The following CMTR2 variants were observed in gnomAD, a reference collection of about 807,000 sequenced individuals.
CMTR2 encodes the protein cap-specific mRNA (nucleoside-2'-O-)-methyltransferase 2.
A neutral mutation model predicts 49.8 loss-of-function variants in CMTR2; 40 were observed. The observed-to-expected ratio is 0.80, with a 90% CI of 0.62 to 1.04. CMTR2 has a LOEUF of 1.04. CMTR2 is among the 50% of genes least tolerant of loss of function. CMTR2 has a pLI of 0.00. For missense variants in CMTR2, 907 were observed against 897.2 expected, an observed-to-expected ratio of 1.01 and a Z score of -0.14; for synonymous variants, 326 against 315.8, an observed-to-expected ratio of 1.03 and a Z score of -0.34.
rs2041619757 is a variant in CMTR2 at position 71,281,982 on chromosome 16, C to T, written c.*1626G>A. 1 of 149,312 alleles carries T rather than the reference C, an allele frequency of 6.7e-6. No individual in the cohort carries two copies. The highest frequency in any genetic ancestry group is 6.6e-5 in the Admixed American group (1 of 15,038). 9.2% of individuals were successfully genotyped at this position (149,312 alleles called of 1,614,324 possible). A position where few individuals can be genotyped will look rare whatever the true frequency, so the allele number is the denominator to read the frequency against. On this transcript the variant is annotated 3_prime_UTR_variant, in exon 3 of 3. Coordinates refer to ENST00000434935, the MANE Select transcript of CMTR2 (RefSeq NM_018348.6). ...TGTTTTTTTTTTTCCTCCTGGTAAT[C>T]AACCTTCTGTCAGACTTCCATCGTC...
chr16:71,284,006 T>C lies in CMTR2; in HGVS notation c.1915A>G (p.Thr639Ala), dbSNP rs1258252841. Residue 639 changes from threonine to alanine, a missense_variant, in exon 3 of 3, where the codon ACA (threonine) becomes GCA (alanine). Physicochemically the swap from Thr to Ala is moderately conservative, Grantham distance 58. Coordinates refer to ENST00000434935, the MANE Select transcript of CMTR2 (RefSeq NM_018348.6). ...CLLHSLRELH[T>A]GDVMILPVLS... ...ACAGGCAAAATCATAACATCTCCTG[T>C]ATGAAGCTCCCGCAATGAATGTAGA... The C allele has an allele frequency of 1.2e-6, 2 of 1,613,952 alleles. No homozygotes were observed. The highest frequency in any genetic ancestry group is 1.7e-6 in the Non-Finnish European group (2 of 1,179,848).
intron 2 of CMTR2, 53 bp downstream of exon 2, chr16:71,288,825 C>T (rs145637162): frequency 3.9e-5 from 6 of 152,276 alleles, no homozygotes; most frequent in Non-Finnish European, 8.8e-5. Flanking sequence ...TAGCCCCCGC[C>T]CAAATTAGTG....
rs375537119 is a variant in CMTR2 at position 71,283,724 on chromosome 16, C to G, written c.2197G>C (p.Gly733Arg). The G allele has an allele frequency of 1.1e-5, 17 of 1,613,844 alleles. No individual in the cohort carries two copies. The highest frequency in any genetic ancestry group is 1.3e-5 in the African/African-American group (1 of 74,908). ...QFVPMEVLLK[G>R]ALLDFLWDLN... Reference sequence around the variant, plus strand: ...TCCCACAAAAAATCAAGCAGGGCCCCCTTAAGGAGTACCTCCATTGGCACA... The same window carrying G: ...TCCCACAAAAAATCAAGCAGGGCCCGCTTAAGGAGTACCTCCATTGGCACA... Residue 733 changes from glycine to arginine, a missense_variant, in exon 3 of 3, where the codon GGG (glycine) becomes CGG (arginine). Transcript: ENST00000434935.
At position 71,284,744 on chromosome 16, in the gene CMTR2, G is replaced by C. The variant is rs2041684898; in HGVS notation, c.1177C>G (p.Leu393Val). The C allele has an allele frequency of 6.2e-7, 1 of 1,613,476 alleles. No individual in the cohort carries two copies. The highest frequency in any genetic ancestry group is 1.1e-5 in the South Asian group (1 of 91,060). Reference sequence around the variant, plus strand: ...ATAGCACAATCCCTTAAATTATTCAGCTTTTCTTGTTCCGCCTTTCCCATG... The same window carrying C: ...ATAGCACAATCCCTTAAATTATTCACCTTTTCTTGTTCCGCCTTTCCCATG... ...ECMGKAEQEK[L>V]NNLRDCAIQY... Residue 393 changes from leucine to valine, a missense_variant, in exon 3 of 3, where the codon CTG becomes GTG. Leu to Val is a conservative substitution (Grantham distance 32). Transcript: ENST00000434935.
rs779536396 is a variant in CMTR2, at chr16:71,283,769, G to T, written c.2152C>A (p.Pro718Thr). 4.3e-6 allele frequency: 7 copies of T among 1,613,934 alleles called. No individual in the cohort carries two copies. Among genetic ancestry groups the T allele is most frequent in the Non-Finnish European group, 5.9e-6 (7 of 1,179,894 alleles). Residue 718 changes from proline to threonine, a missense_variant, in exon 3 of 3, where the codon CCC (proline) becomes ACC (threonine). By Grantham distance (38) the Pro-to-Thr change is conservative. Transcript: ENST00000434935. ...LLSTLLNSDS[P>T]QQVLQFVPME... ...GGCACAAACTGTAAAACCTGCTGGG[G>T]TGAGTCAGAGTTGAGCAAAGTGCTC...
At chr16:71,286,271 A>C (rs1460653906) in intron 2 of CMTR2, among the ~76,000 whole-genome samples, 1 of 152,116 alleles carries the variant, frequency 6.6e-6, no homozygotes, top group Non-Finnish European at 1.5e-5. Context: ...CATATAACAA[A>C]GCATAATCAT....
Position 71,285,660 on chromosome 16 carries a change from C to G in CMTR2, c.261G>C (p.Glu87Asp). ...CCGCTTTATTAGTGAAAGCAGTGTG[C>G]TCATGCCACTCATCCAGTTTCTTAT... ...LSDKKLDEWH[E>D]HTAFTNKAGK... Residue 87 changes from glutamate to aspartate, a missense_variant, in exon 3 of 3, where the codon GAG becomes GAC. Physicochemically the swap from Glu to Asp is conservative, Grantham distance 45. Coordinates refer to ENST00000434935, the MANE Select transcript of CMTR2 (RefSeq NM_018348.6). The G allele has an allele frequency of 6.2e-7, 1 of 1,613,658 alleles. No homozygotes were observed. The highest frequency in any genetic ancestry group is 8.5e-7 in the Non-Finnish European group (1 of 1,179,832).
chr16:71,285,695 G>A lies in CMTR2; in HGVS notation c.226C>T (p.Leu76=). The A allele has an allele frequency of 3.7e-6, 6 of 1,613,272 alleles. No homozygotes were observed. The highest frequency in any genetic ancestry group is 5.1e-6 in the Non-Finnish European group (6 of 1,179,758). The change falls in exon 3 of 3, where the codon CTA becomes TTA. Residue 76 remains leucine (L), a synonymous_variant. Coordinates refer to ENST00000434935, the MANE Select transcript of CMTR2 (RefSeq NM_018348.6). ...TCATCCAGTTTCTTATCACTCAGTAGGTTTTTTACTTCATTTAGGGAGTTC... is the reference window on the plus strand; with the variant it reads ...TCATCCAGTTTCTTATCACTCAGTAAGTTTTTTACTTCATTTAGGGAGTTC... ...LKNSLNEVKN[L]LSDKKLDEWH... is the part of the protein sequence containing the mutation.
rs755800780 is a variant in CMTR2, at chr16:71,285,012, A to T, written c.909T>A (p.Pro303=). 6.8e-6 allele frequency: 11 copies of T among 1,613,964 alleles called. No homozygotes were observed. The Admixed American group carries it at 1.8e-4, about 27-fold the overall frequency. The change falls in exon 3 of 3, where the codon CCT becomes CCA. Residue 303 remains proline, a synonymous_variant. Coordinates refer to ENST00000434935, the MANE Select transcript of CMTR2 (RefSeq NM_018348.6). ...CGGAGTTTCCTGCCTTGCTAGTAGC[A>T]GGTTTGAAAACATGGACTTGGTCAA... ...CCFDQVHVFK[P]ATSKAGNSEV... is the part of the protein sequence containing the mutation.
In CMTR2 at chr16:71,285,627, G is replaced by T. The variant is rs954107128; in HGVS notation, c.294C>A (p.Ile98=). The T allele has an allele frequency of 1.9e-6, 3 of 1,613,916 alleles. No individual in the cohort carries two copies. The highest frequency in any genetic ancestry group is 2.5e-6 in the Non-Finnish European group (3 of 1,179,940). Residue 98 remains isoleucine, a synonymous_variant, in exon 3 of 3, where the codon ATC becomes ATA. Transcript: ENST00000434935. ...HTAFTNKAGK[I]ISHVRKSVNA... ...TCACAGATTTTCTAACATGAGAAAT[G>T]ATTTTCCCCGCTTTATTAGTGAAAG...
At position 71,288,771 on chromosome 16, in the gene CMTR2, C is replaced by G. The variant is rs572079125; in HGVS notation, c.-20+107G>C. 1.1e-4 allele frequency: 17 copies of G among 152,124 alleles called. No homozygotes were observed. In the East Asian group the frequency reaches 2.3e-3, roughly 21 times the overall value. The allele number at this position is 152,124 out of a possible 1,614,324, so 9.4% of individuals were successfully genotyped here. A position where few individuals can be genotyped will look rare whatever the true frequency, so the allele number is the denominator to read the frequency against. ...GACATCATAATTCTGCTAAGTGGGT[C>G]GCTATTACCATTCTCATATTGCAAA... On this transcript the variant is annotated intron_variant, in intron 2 of 2. Coordinates refer to ENST00000434935, the MANE Select transcript of CMTR2 (RefSeq NM_018348.6).
upstream of CMTR2, chr16:71,289,646 A>AGGGGAGGTGGAGGGGGAG (rs2041804207): frequency 5.3e-5 from 1 of 18,882 alleles, no homozygotes; most frequent in African/African-American, 2.3e-4. Context: ...AGGGAGGCGA[A>AGGGGAGGTGGAGGGGGAG]GGGGAGGGGG....
intron 2 of CMTR2, chr16:71,288,472 C>A (rs569321508): frequency 6.6e-6 from 1 of 152,278 alleles, no homozygotes; most frequent in East Asian, 1.9e-4. Flanking sequence ...GTTTTGTTTA[C>A]ACATAGACCA....
Position 71,281,757 on chromosome 16 carries a change from T to A in CMTR2, c.*1851A>T, listed in dbSNP as rs11645087. 1 of 151,818 alleles carries A rather than the reference T, an allele frequency of 6.6e-6. No individual in the cohort carries two copies. The highest frequency in any genetic ancestry group is 6.6e-5 in the Admixed American group (1 of 15,240). 9.4% of individuals were successfully genotyped at this position (151,818 alleles called of 1,614,324 possible). On this transcript the variant is annotated 3_prime_UTR_variant, in exon 3 of 3. Coordinates refer to ENST00000434935, the MANE Select transcript of CMTR2 (RefSeq NM_018348.6). ...CAGTGTTATATATTCCAGTACAGAT[T>A]AGTGTCAACAAAACACTAAGCATTC...
rs545380182 is a variant in CMTR2, at chr16:71,282,212, T to G, written c.*1396A>C. 1 of 152,224 alleles carries G rather than the reference T, an allele frequency of 6.6e-6. No individual in the cohort carries two copies. The highest frequency in any genetic ancestry group is 1.9e-4 in the East Asian group (1 of 5,186). The allele number at this position is 152,224 out of a possible 1,614,324, so 9.4% of individuals were successfully genotyped here. A position where few individuals can be genotyped will look rare whatever the true frequency, so the allele number is the denominator to read the frequency against. ...AGAGAAAATGAAAGAACATTAACTA[T>G]CATTCAAAACTCCCTTTAAAAATGT... On this transcript the variant is annotated 3_prime_UTR_variant, in exon 3 of 3. Transcript: ENST00000434935.
rs761807488 is a variant in CMTR2 at position 71,283,822 on chromosome 16, C to G, written c.2099G>C (p.Arg700Pro). The G allele has an allele frequency of 1.2e-6, 2 of 1,613,878 alleles. No homozygotes were observed. The highest frequency in any genetic ancestry group is 2.2e-5 in the East Asian group (1 of 44,870). ...CAATTCATTCACACTCTGCAAATAT[C>G]GGAAAACTGGATTTGGAAGGTCCTG... ...GYQDLPNPVF[R>P]YLQSVNELLS... The change falls in exon 3 of 3, where the codon CGA becomes CCA. Residue 700 changes from arginine (R) to proline (P), a missense_variant. Arg to Pro is a moderately radical substitution (Grantham distance 103). Transcript: ENST00000434935.
At position 71,284,352 on chromosome 16, in the gene CMTR2, A is replaced by C. The variant is rs369141257; in HGVS notation, c.1569T>G (p.Ile523Met). 1 of 1,613,412 alleles carries C rather than the reference A, an allele frequency of 6.2e-7. No homozygotes were observed. The highest frequency in any genetic ancestry group is 1.3e-5 in the African/African-American group (1 of 74,826). Reference sequence around the variant, plus strand: ...TAAAAGCTCCTCCTAATGACTTTTCAATTGCTTCATTAAGAGTTTTTAAAA... The same window carrying C: ...TAAAAGCTCCTCCTAATGACTTTTCCATTGCTTCATTAAGAGTTTTTAAAA... ...GEILKTLNEA[I>M]EKSLGGAFNL... The change falls in exon 3 of 3, where the codon ATT (isoleucine) becomes ATG (methionine). Residue 523 changes from isoleucine (I) to methionine (M), a missense_variant. Physicochemically the swap from Ile to Met is conservative, Grantham distance 10. Coordinates refer to ENST00000434935, the MANE Select transcript of CMTR2 (RefSeq NM_018348.6).
In CMTR2 at chr16:71,282,619, C is replaced by G. The variant is rs189841002; in HGVS notation, c.*989G>C. On this transcript the variant is annotated 3_prime_UTR_variant, in exon 3 of 3. Transcript: ENST00000434935. ...GCAAAATAACCATTTCATGGCTAAT[C>G]TTTTGGTAAAGTGCTATTTTCACAC... 6.6e-6 allele frequency: 1 copy of G among 152,118 alleles called. No individual in the cohort carries two copies. The highest frequency in any genetic ancestry group is 1.9e-4 in the East Asian group (1 of 5,178). The allele number at this position is 152,118 out of a possible 1,614,324, so 9.4% of individuals were successfully genotyped here.
chr16:71,284,114 C>G lies in CMTR2; in HGVS notation c.1807G>C (p.Glu603Gln), dbSNP rs1400619280. The G allele has an allele frequency of 1.2e-6, 2 of 1,613,912 alleles. No homozygotes were observed. The highest frequency in any genetic ancestry group is 1.7e-6 in the Non-Finnish European group (2 of 1,179,930). Residue 603 changes from glutamate (E) to glutamine (Q), a missense_variant, in exon 3 of 3, where the codon GAA (glutamate) becomes CAA (glutamine). Coordinates refer to ENST00000434935, the MANE Select transcript of CMTR2 (RefSeq NM_018348.6). ...MHIPLEVRLLESAELTTFSCS... is the reference protein window; with the variant it reads ...MHIPLEVRLLQSAELTTFSCS... ...CTAAAAGTTGTGAGTTCAGCTGATT[C>G]TAGGAGTCGAACTTCCAACGGTATA...
Sources: gnomAD v4.1 joint callset for allele counts (sites outside exome capture counted in the v4.1 genomes callset) on GRCh38, gnomAD v4.1.1 for gene constraint, MANE v1.5 for transcripts, NCBI Gene and HGNC (gene_info 2026-07-23, HGNC 2026-07-21) for gene names.